Variants in PUS7 observed in about 807,000 individuals in gnomAD.
The protein encoded by PUS7 is pseudouridylate synthase 7 homolog.
In PUS7, 48 loss-of-function variants were observed where a neutral mutation model predicts 79.8. The observed-to-expected ratio is 0.60, with a 90% CI of 0.48 to 0.76. The LOEUF (loss-of-function observed/expected upper bound fraction) is 0.76, where lower values mean the gene tolerates loss of function less well. Ranked by LOEUF, PUS7 falls within the 30% of genes least tolerant of loss-of-function variation. The probability of loss-of-function intolerance (pLI) is 0.00; values close to 1 mark genes in which losing one functional copy is unlikely to be tolerated. For synonymous variants in PUS7, 286 were observed against 272.2 expected, an observed-to-expected ratio of 1.05 and a Z score of -0.50; for missense variants, 729 against 797.6, an observed-to-expected ratio of 0.91 and a Z score of 1.04.
At position 105,521,214 on chromosome 7, in the gene PUS7, A is replaced by G. The variant is rs528265854; in HGVS notation, c.-33+838T>C. Among the ~76,000 whole-genome samples, 165 of 147,528 alleles carry G rather than the reference A, an allele frequency of 1.1e-3. 1 individual carries two copies. The highest frequency in any genetic ancestry group is 1.4e-3 in the Non-Finnish European group (93 of 66,572). On this transcript the variant is annotated intron_variant, in intron 1 of 15. Coordinates refer to ENST00000469408, the MANE Select transcript of PUS7 (RefSeq NM_019042.5). ...CCAATGGGGCATAGTCATTTCATAGATGATTAGAGGCTTGGGGATGGGGGG... is the reference window on the plus strand; with the variant it reads ...CCAATGGGGCATAGTCATTTCATAGGTGATTAGAGGCTTGGGGATGGGGGG...
intron 15 of PUS7, 80 bp downstream of exon 15, chr7:105,459,088 C>G: frequency 1.3e-6 from 1 of 785,140 alleles, no homozygotes; most frequent in Admixed American, 2.6e-5. Flanking sequence ...CTTGTAAGAG[C>G]AGTTTTCAAA....
intron 6 of PUS7, among the ~76,000 whole-genome samples, chr7:105,494,712 G>C (rs765563209): frequency 2.6e-5 from 4 of 151,842 alleles, no homozygotes; most frequent in Non-Finnish European, 5.9e-5. Flanking sequence ...CAGGCCGATC[G>C]GCAATTCTTA....
At chr7:105,514,521 G>A (rs1448109015) in intron 1 of PUS7, among the ~76,000 whole-genome samples, 3 of 150,166 alleles carry the variant, frequency 2.0e-5, no homozygotes, top group East Asian at 2.0e-4. Context: ...GGAGAATGGC[G>A]TGAACCCGGG....
At chr7:105,489,257 G>A (rs1256217620) in intron 7 of PUS7, among the ~76,000 whole-genome samples, 1 of 150,768 alleles carries the variant, frequency 6.6e-6, no homozygotes, top group Non-Finnish European at 1.5e-5. Flanking sequence ...GAAATCACAG[G>A]AGGTGACTAG....
chr7:105,469,361 G>A (rs1823784899), intron 11 of PUS7, among the ~76,000 whole-genome samples: 1 of 151,848 alleles, frequency 6.6e-6, no homozygotes, highest in Admixed American at 6.6e-5. Flanking sequence ...CACGATCTCA[G>A]CTCACTGCAA....
At chr7:105,469,482 C>T (rs962706487) in intron 11 of PUS7, among the ~76,000 whole-genome samples, 14 of 152,208 alleles carry the variant, frequency 9.2e-5, no homozygotes, top group Middle Eastern at 6.8e-3. Flanking sequence ...CATTTTGAGA[C>T]GGAGTCTCAC....
rs867361315 is a variant in PUS7 at position 105,457,792 on chromosome 7, A to G, written c.1984T>C (p.Ter662ArgextTer36). Residue 662 changes from the stop codon to arginine (R), a stop_lost, in exon 16 of 16, where the codon TGA becomes CGA. Coordinates refer to ENST00000469408, the MANE Select transcript of PUS7 (RefSeq NM_019042.5). The stretch of plus-strand genomic sequence containing the variant: ...CTAATCTGTGGACAAGGTACTGCTC[A>G]GCGAAGCCAGGTTGTATTCAGCTGC... ...QTQLNTTWLR[*>R] is the part of the protein sequence containing the mutation. 1.2e-6 allele frequency: 2 copies of G among 1,613,978 alleles called. No homozygotes were observed. The highest frequency in any genetic ancestry group is 3.3e-4 in the Middle Eastern group (2 of 6,060).
chr7:105,476,771 T>C (rs1312730164), intron 9 of PUS7, among the ~76,000 whole-genome samples: 1 of 152,222 alleles, frequency 6.6e-6, no homozygotes, highest in Non-Finnish European at 1.5e-5. Flanking sequence ...CAACACTTGT[T>C]ATTTGTTGTT....
chr7:105,469,297 TTTTA>T (rs1823782694), intron 11 of PUS7, among the ~76,000 whole-genome samples: 1 of 151,512 alleles, frequency 6.6e-6, no homozygotes, highest in South Asian at 2.1e-4. Context: ...TTTTTTTCTT[TTTTA>T]TTTTTTTGAG....
At chr7:105,482,546 C>CT in intron 7 of PUS7, 106 bp from the exon 8 acceptor site, 1 of 1,195,452 alleles carries the variant, frequency 8.4e-7, no homozygotes, top group Non-Finnish European at 1.2e-6. Context: ...TACAGCACAC[C>CT]TATGACCCCC....
intron 8 of PUS7, among the ~76,000 whole-genome samples, chr7:105,481,569 C>T (rs1282342751): frequency 2.0e-5 from 3 of 152,118 alleles, no homozygotes. Flanking sequence ...TCACCACTAT[C>T]TACTTCCCAA....
chr7:105,476,098 T>TG (rs1413927767), intron 9 of PUS7, among the ~76,000 whole-genome samples: 24 of 121,468 alleles, frequency 2.0e-4, no homozygotes, highest in African/African-American at 7.9e-4. Flanking sequence ...CACTCCAGCC[T>TG]GGGCGACAGA....
chr7:105,462,781 TG>T, intron 13 of PUS7, 31 bp from the exon 14 acceptor site: 21 of 1,596,418 alleles, frequency 1.3e-5, no homozygotes, highest in Non-Finnish European at 1.8e-5. Flanking sequence ...TTAGTTGAAA[TG>T]CAGCTTGTCA....
chr7:105,496,194 C>CATAT (rs1301915171), intron 5 of PUS7, among the ~76,000 whole-genome samples: 10 of 91,602 alleles, frequency 1.1e-4, no homozygotes, highest in African/African-American at 2.2e-4. Flanking sequence ...TACACACACA[C>CATAT]ACATATATAT....
chr7:105,477,707 CA>C (rs1024198697), intron 9 of PUS7, among the ~76,000 whole-genome samples: 14 of 151,134 alleles, frequency 9.3e-5, no homozygotes, highest in African/African-American at 3.4e-4. Context: ...CCACCCCCAC[CA>C]AAAAAAAATC....
intron 9 of PUS7, among the ~76,000 whole-genome samples, chr7:105,473,627 C>G (rs1823965141): frequency 6.6e-6 from 1 of 151,396 alleles, no homozygotes; most frequent in African/African-American, 2.4e-5. Flanking sequence ...CCATGTTGGC[C>G]AGACTGGTCT....
chr7:105,497,069 A>C (rs763378754), intron 5 of PUS7: 99 of 934,542 alleles, frequency 1.1e-4, no homozygotes, highest in Middle Eastern at 2.9e-4. Flanking sequence ...CGCATGGTTA[A>C]GTTTACACTG....
chr7:105,515,057 G>T (rs746146140), intron 1 of PUS7, among the ~76,000 whole-genome samples: 5 of 152,160 alleles, frequency 3.3e-5, no homozygotes, highest in Non-Finnish European at 5.9e-5. Context: ...GCCTCCCAAA[G>T]TGCTGGGATT....
At chr7:105,458,296 T>C (rs971513720) in intron 15 of PUS7, among the ~76,000 whole-genome samples, 2 of 152,174 alleles carry the variant, frequency 1.3e-5, no homozygotes, top group African/African-American at 4.8e-5. Flanking sequence ...AGTCTTGTTA[T>C]GTTGCCCAGA....
Sources: gnomAD v4.1 joint callset for allele counts (sites outside exome capture counted in the v4.1 genomes callset) on GRCh38, gnomAD v4.1.1 for gene constraint, MANE v1.5 for transcripts, NCBI Gene and HGNC (gene_info 2026-07-23, HGNC 2026-07-21) for gene names.